The following KCNAB1 variants were observed in gnomAD, a reference collection of about 807,000 sequenced individuals.
KCNAB1 encodes the protein voltage-gated potassium channel subunit beta-1.
A neutral mutation model predicts 64.6 loss-of-function variants in KCNAB1; 35 were observed. That is an observed-to-expected ratio of 0.54 (90% CI 0.41 to 0.72). The LOEUF is 0.72. Ranked by LOEUF, KCNAB1 falls within the 30% of genes least tolerant of loss-of-function variation. KCNAB1 has a pLI of 0.00. For synonymous variants in KCNAB1, 177 were observed against 183.8 expected (o/e 0.96, Z 0.30); for missense variants, 401 against 512.9 (o/e 0.78, Z 2.11).
intron 1 of KCNAB1, among the ~76,000 whole-genome samples, chr3:156,286,328 A>G: frequency 6.6e-6 from 1 of 152,374 alleles, no homozygotes; most frequent in East Asian, 1.9e-4. Context: ...AATTCTTTTA[A>G]TCACAAATGA....
chr3:156,300,426 A>C (rs942899280), intron 1 of KCNAB1, among the ~76,000 whole-genome samples: 5 of 152,068 alleles, frequency 3.3e-5, no homozygotes, highest in African/African-American at 1.2e-4. Flanking sequence ...TCATTTTCTG[A>C]CTCCCAACTG....
At position 156,228,476 on chromosome 3, in the gene KCNAB1, A is replaced by C. The variant is rs567630145; in HGVS notation, c.275+107590A>C. On this transcript the variant is annotated intron_variant, in intron 1 of 13. Transcript: ENST00000490337. ...ATGCATCTCATGTGTGGTCGAAAGC[A>C]AGCCTGGTCAGCCTTCACACAGCGT... Among the ~76,000 whole-genome samples, 341 of 152,282 alleles carry C rather than the reference A, an allele frequency of 2.2e-3. 2 individuals are homozygous for C. The highest frequency in any genetic ancestry group is 7.5e-3 in the African/African-American group (311 of 41,546).
rs200070495 is a variant in KCNAB1 at position 156,523,508 on chromosome 3, AT to A, written c.961-318del. 8.0e-3 allele frequency among the ~76,000 whole-genome samples: 1,220 copies of A among 152,336 alleles called. 9 individuals carry two copies. The highest frequency in any genetic ancestry group is 0.027 in the African/African-American group (1,127 of 41,568). ...TACATTCTAAAGTTGGGCTATCCCA[AT>A]AAAAAACGTTACTTCTTCTATTGGA... On this transcript the variant is annotated intron_variant, in intron 11 of 13. Transcript: ENST00000490337.
intron 8 of KCNAB1, among the ~76,000 whole-genome samples, chr3:156,503,958 T>C (rs530246042): frequency 6.6e-6 from 1 of 152,274 alleles, no homozygotes; most frequent in South Asian, 2.1e-4. Context: ...GAACAAACAA[T>C]TGTTAACTAT....
chr3:156,404,656 A>C (rs528939971), intron 1 of KCNAB1, among the ~76,000 whole-genome samples: 2 of 152,330 alleles, frequency 1.3e-5, no homozygotes, highest in East Asian at 1.9e-4. Context: ...GGCTTGGGGA[A>C]GTTAAGCAAC....
At chr3:156,198,131 G>A (rs1375481361) in intron 1 of KCNAB1, among the ~76,000 whole-genome samples, 2 of 152,180 alleles carry the variant, frequency 1.3e-5, no homozygotes, top group Non-Finnish European at 2.9e-5. Context: ...GCTCTAATTT[G>A]ATTGCACTGT....
intron 11 of KCNAB1, among the ~76,000 whole-genome samples, chr3:156,523,389 G>A (rs781231014): frequency 1.3e-5 from 2 of 152,044 alleles, no homozygotes; most frequent in Non-Finnish European, 2.9e-5. Context: ...TAAAATAGTG[G>A]TTTTCTTTGA....
chr3:156,483,651 G>A (rs1380958772), intron 8 of KCNAB1, among the ~76,000 whole-genome samples: 2 of 152,014 alleles, frequency 1.3e-5, no homozygotes, highest in Admixed American at 6.6e-5. Context: ...TCTTTCTTGA[G>A]CAGAACTGAA....
intron 8 of KCNAB1, among the ~76,000 whole-genome samples, chr3:156,490,190 T>G (rs1430279300): frequency 6.6e-6 from 1 of 151,976 alleles, no homozygotes; most frequent in Non-Finnish European, 1.5e-5. Context: ...ACCCTCCCCA[T>G]GCAGAAGACA....
At chr3:156,531,312 A>G (rs1259390943) in intron 12 of KCNAB1, 97 bp from the exon 13 acceptor site, 2 of 894,962 alleles carry the variant, frequency 2.2e-6, no homozygotes, top group Non-Finnish European at 3.8e-6. Flanking sequence ...AGAAGTTAAT[A>G]AATTTTGGCT....
At chr3:156,417,223 C>A (rs79650451) in intron 1 of KCNAB1, among the ~76,000 whole-genome samples, 2,803 of 151,966 alleles carry the variant, frequency 0.018, 32 homozygotes, top group South Asian at 0.034. Flanking sequence ...TTAAAAAAAA[C>A]AAACAAACCC....
At position 156,427,907 on chromosome 3, in the gene KCNAB1, C is replaced by A. The variant is rs114782976; in HGVS notation, c.319+6248C>A. On this transcript the variant is annotated intron_variant, in intron 2 of 13. Transcript: ENST00000490337. Reference sequence around the variant, plus strand: ...AAGTCTCACATTAGGAGCAGTAGGCCGGTCTGATTCATTCCATGGGAGGTA... The same window carrying A: ...AAGTCTCACATTAGGAGCAGTAGGCAGGTCTGATTCATTCCATGGGAGGTA... Among the ~76,000 whole-genome samples, 50 of 152,224 alleles carry A rather than the reference C, an allele frequency of 3.3e-4. No individual in the cohort carries two copies. In the South Asian group the frequency reaches 7.3e-3, roughly 22 times the overall value.
At chr3:156,156,311 G>C (rs902361787) in intron 1 of KCNAB1, among the ~76,000 whole-genome samples, 1 of 150,854 alleles carries the variant, frequency 6.6e-6, no homozygotes, top group African/African-American at 2.4e-5. Context: ...CCATTTTAAA[G>C]GTGGTGGCTT....
chr3:156,372,460 G>T (rs936515625), intron 1 of KCNAB1, among the ~76,000 whole-genome samples: 1 of 152,204 alleles, frequency 6.6e-6, no homozygotes, highest in African/African-American at 2.4e-5. Flanking sequence ...AGATTGCTGG[G>T]CCCCACCCTG....
In KCNAB1 at chr3:156,176,875, G is replaced by GT. The variant is rs542199629; in HGVS notation, c.275+55990dup. On this transcript the variant is annotated intron_variant, in intron 1 of 13. Coordinates refer to ENST00000490337, the MANE Select transcript of KCNAB1 (RefSeq NM_172160.3). ...CGCTGCCGCTTGACTGGGACCAGCG[G>GT]TAACTCTGGGCCTGTACGCTTCTGC... 1.2e-4 allele frequency: 146 copies of GT among 1,173,974 alleles called. No individual in the cohort carries two copies. The African/African-American group carries it at 1.6e-3, about 13-fold the overall frequency. The allele number at this position is 1,173,974 out of a possible 1,614,324, so 72.7% of individuals were successfully genotyped here.
chr3:156,120,820 G>A lies in KCNAB1; in HGVS notation c.209G>A (p.Trp70Ter). ...CTGCTGCGCGAAGTGGAGATGAACT[G>A]GTACCTAAAGCTCTGCGACCTGTCC... is the stretch of plus-strand genomic sequence containing the variant. The part of the protein sequence containing the change: ...LALLREVEMN[W>*]YLKLCDLSSE... The change falls in exon 1 of 14, where the codon TGG (tryptophan) becomes TAG (stop). Residue 70 changes from tryptophan (W) to a stop codon, truncating the protein, a stop_gained. Transcript: ENST00000490337. LOFTEE classifies it high-confidence loss of function. 1 of 1,614,224 alleles carries A rather than the reference G, an allele frequency of 6.2e-7. No individual in the cohort carries two copies.
intron 13 of KCNAB1, among the ~76,000 whole-genome samples, chr3:156,534,774 T>C: frequency 6.6e-6 from 1 of 152,180 alleles, no homozygotes; most frequent in East Asian, 1.9e-4. Context: ...CCAGGCAGTG[T>C]AACATCAAGT....
upstream of KCNAB1, among the ~76,000 whole-genome samples, chr3:156,119,096 C>T (rs1713208665): frequency 6.6e-6 from 1 of 152,170 alleles, no homozygotes; most frequent in African/African-American, 2.4e-5. Flanking sequence ...AAACAGGTTT[C>T]ACCCAAATGT....
In KCNAB1 at chr3:156,357,159, GCACA is replaced by G. The variant is rs112441885; in HGVS notation, c.276-64433_276-64430del. Among the ~76,000 whole-genome samples the G allele has an allele frequency of 3.0e-3, 445 of 147,350 alleles. 2 individuals carry two copies. The highest frequency in any genetic ancestry group is 0.02 in the East Asian group (102 of 4,996). On this transcript the variant is annotated intron_variant, in intron 1 of 13. Transcript: ENST00000490337. ...CACATACACAAACACACATGTGCGCGCACACACACACACACACACACACACACCC... is the reference window on the plus strand; with the variant it reads ...CACATACACAAACACACATGTGCGCGCACACACACACACACACACACACCC...
Sources: gnomAD v4.1 joint callset for allele counts (sites outside exome capture counted in the v4.1 genomes callset) on GRCh38, gnomAD v4.1.1 for gene constraint, MANE v1.5 for transcripts, NCBI Gene and HGNC (gene_info 2026-07-23, HGNC 2026-07-21) for gene names.